The following DAAM1 variants were observed in gnomAD, a reference collection of about 807,000 sequenced individuals.
DAAM1 encodes the protein disheveled-associated activator of morphogenesis 1.
Under a neutral mutation model 130.0 loss-of-function variants are expected in DAAM1, and 52 were observed. The ratio of observed to expected loss-of-function variants is 0.40; its 90% CI spans 0.32 to 0.50. The LOEUF (loss-of-function observed/expected upper bound fraction) is 0.50. DAAM1 is among the 20% of genes least tolerant of loss of function. The probability of loss-of-function intolerance (pLI) is 0.61; values close to 1 mark genes in which losing one functional copy is unlikely to be tolerated. For synonymous variants in DAAM1, 452 were observed against 444.5 expected (o/e 1.02, Z -0.21); for missense variants, 1,134 against 1,303.8 (o/e 0.87, Z 2.01).
At chr14:59,280,959 C>T (rs370589904) in intron 2 of DAAM1, among the ~76,000 whole-genome samples, 9 of 152,180 alleles carry the variant, frequency 5.9e-5, no homozygotes, top group African/African-American at 2.2e-4. Flanking sequence ...CCCTTTCCCT[C>T]TGTTCCCTGT....
Position 59,331,391 on chromosome 14 carries a change from T to G in DAAM1, c.1743T>G (p.Pro581=). The change falls in exon 14 of 25, where the codon CCT becomes CCG. Residue 581 remains proline (P), a synonymous_variant. Coordinates refer to ENST00000360909, the MANE Select transcript of DAAM1 (RefSeq NM_001270520.2). The stretch of plus-strand genomic sequence containing the variant: ...GCCCTCCTCCTCCCCCAGGGCCTCC[T>G]CCCTTAGGGGCAATCATGCCACCTC... The part of the protein sequence containing the change: ...PGGPPPPPGP[P]PLGAIMPPPG... The G allele has an allele frequency of 6.4e-7, 1 of 1,568,688 alleles. No homozygotes were observed.
At chr14:59,253,626 C>T (rs1246615612) in intron 1 of DAAM1, among the ~76,000 whole-genome samples, 1 of 152,090 alleles carries the variant, frequency 6.6e-6, no homozygotes, top group Non-Finnish European at 1.5e-5. Context: ...CATTTTTCTC[C>T]ACAGAAGCCT....
At chr14:59,202,165 G>A (rs185622710) in intron 1 of DAAM1, among the ~76,000 whole-genome samples, 150 of 152,252 alleles carry the variant, frequency 9.9e-4, no homozygotes, top group Non-Finnish European at 1.7e-3. Context: ...ATCTAGAAAG[G>A]ATCTAGGTTC....
At chr14:59,229,088 TG>T (rs1889026764) in intron 1 of DAAM1, among the ~76,000 whole-genome samples, 1 of 152,238 alleles carries the variant, frequency 6.6e-6, no homozygotes, top group African/African-American at 2.4e-5. Flanking sequence ...TTTAATGGGC[TG>T]ATTTTGAAGA....
chr14:59,270,650 T>C (rs893040975), intron 2 of DAAM1, among the ~76,000 whole-genome samples: 8 of 152,170 alleles, frequency 5.3e-5, no homozygotes, highest in African/African-American at 1.9e-4. Context: ...TGTTACAACA[T>C]GCACCTCCTC....
intron 2 of DAAM1, among the ~76,000 whole-genome samples, chr14:59,288,458 G>A (rs1448713578): frequency 6.6e-6 from 1 of 152,108 alleles, no homozygotes; most frequent in African/African-American, 2.4e-5. Flanking sequence ...GCAAAAGACT[G>A]TCAAGAGAGT....
chr14:59,371,151 G>C lies in DAAM1; in HGVS notation c.*2292G>C, dbSNP rs2139703752. 6.6e-6 allele frequency: 1 copy of C among 150,768 alleles called. No individual in the cohort carries two copies. The highest frequency in any genetic ancestry group is 2.1e-4 in the South Asian group (1 of 4,770). 9.3% of individuals were successfully genotyped at this position (150,768 alleles called of 1,614,324 possible). A position where few individuals can be genotyped will look rare whatever the true frequency, so the allele number is the denominator to read the frequency against. On this transcript the variant is annotated 3_prime_UTR_variant, in exon 25 of 25. Transcript: ENST00000360909. Reference sequence around the variant, plus strand: ...TTTTAGATTGGTGCTGGTGTAAGTAGCCACTTTTCTCTCTTGGGTGTGTAT... The same window carrying C: ...TTTTAGATTGGTGCTGGTGTAAGTACCCACTTTTCTCTCTTGGGTGTGTAT...
intron 3 of DAAM1, among the ~76,000 whole-genome samples, chr14:59,294,000 A>T (rs1282175305): frequency 6.6e-6 from 1 of 152,172 alleles, no homozygotes; most frequent in Non-Finnish European, 1.5e-5. Flanking sequence ...GCCAAGCCAC[A>T]TCCATTTCTC....
chr14:59,240,387 T>C (rs1456875838), intron 1 of DAAM1, among the ~76,000 whole-genome samples: 1 of 152,212 alleles, frequency 6.6e-6, no homozygotes, highest in Admixed American at 6.5e-5. Context: ...TCTCATTTAG[T>C]CAAGTGGACC....
chr14:59,238,058 G>C (rs1392790990), intron 1 of DAAM1, among the ~76,000 whole-genome samples: 1 of 152,080 alleles, frequency 6.6e-6, no homozygotes, highest in Non-Finnish European at 1.5e-5. Flanking sequence ...GAGTGTCTTG[G>C]ATGCCTTTCC....
chr14:59,312,508 C>T (rs755214708), intron 3 of DAAM1, among the ~76,000 whole-genome samples: 3 of 152,074 alleles, frequency 2.0e-5, no homozygotes, highest in Non-Finnish European at 4.4e-5. Context: ...CAGTCATCTT[C>T]GAGGTGAGTA....
intron 1 of DAAM1, among the ~76,000 whole-genome samples, chr14:59,259,803 G>C (rs1882083751): frequency 1.3e-5 from 2 of 152,208 alleles, no homozygotes; most frequent in Non-Finnish European, 1.5e-5. Context: ...CCAGCACTTT[G>C]GGAGGCCGAG....
chr14:59,301,930 G>T (rs934642786), intron 3 of DAAM1, among the ~76,000 whole-genome samples: 1 of 152,138 alleles, frequency 6.6e-6, no homozygotes, highest in African/African-American at 2.4e-5. Context: ...GTGCTTTGTG[G>T]ATACCATCTC....
Position 59,369,000 on chromosome 14 carries a change from A to T in DAAM1, c.*141A>T, listed in dbSNP as rs1887035361. The stretch of plus-strand genomic sequence containing the variant: ...GTGAATGTGTGAACGTGTGTATGTA[A>T]ATGTATGTGTGTATATATTAAAAAA... On this transcript the variant is annotated 3_prime_UTR_variant, in exon 25 of 25. Coordinates refer to ENST00000360909, the MANE Select transcript of DAAM1 (RefSeq NM_001270520.2). The T allele has an allele frequency of 1.5e-5, 10 of 684,636 alleles. No individual in the cohort carries two copies. The East Asian group carries it at 2.7e-4, about 19-fold the overall frequency. 42.4% of individuals were successfully genotyped at this position (684,636 alleles called of 1,614,324 possible).
At chr14:59,262,297 A>G (rs1011685485) in intron 1 of DAAM1, among the ~76,000 whole-genome samples, 55 of 152,308 alleles carry the variant, frequency 3.6e-4, no homozygotes, top group African/African-American at 1.1e-3. Flanking sequence ...AAAAAGACGC[A>G]ATGGCATCAT....
intron 1 of DAAM1, among the ~76,000 whole-genome samples, chr14:59,262,570 A>T (rs1882217972): frequency 6.6e-6 from 1 of 151,938 alleles, no homozygotes; most frequent in Non-Finnish European, 1.5e-5. Flanking sequence ...TAAATCATGT[A>T]CTCCTATAGC....
intron 3 of DAAM1, among the ~76,000 whole-genome samples, chr14:59,297,318 C>T (rs1487747772): frequency 2.6e-5 from 4 of 152,134 alleles, no homozygotes; most frequent in East Asian, 1.9e-4. Flanking sequence ...CATTTGGTAA[C>T]GTGTGTCCAG....
intron 15 of DAAM1, chr14:59,338,548 C>G (rs1566711932): frequency 1.1e-6 from 1 of 903,952 alleles, no homozygotes; most frequent in South Asian, 1.7e-5. Flanking sequence ...CTAGGTAACT[C>G]CACTTTGGAT....
chr14:59,314,592 G>A (rs1884715464), intron 3 of DAAM1, among the ~76,000 whole-genome samples: 2 of 152,186 alleles, frequency 1.3e-5, no homozygotes, highest in Middle Eastern at 6.8e-3. Context: ...TAAGAGGCAA[G>A]GCTGGCTGGG....
Sources: allele counts gnomAD v4.1 joint callset (sites outside exome capture counted in the v4.1 genomes callset), GRCh38; gene constraint gnomAD v4.1.1; transcripts MANE v1.5; gene names NCBI Gene and HGNC (gene_info 2026-07-23, HGNC 2026-07-21).